Variants in PDE4D observed in about 807,000 individuals in gnomAD.
PDE4D encodes 3',5'-cyclic-AMP phosphodiesterase 4D.
A neutral mutation model predicts 87.4 loss-of-function variants in PDE4D; 24 were observed. The ratio of observed to expected loss-of-function variants is 0.27; its 90% CI spans 0.20 to 0.39. The LOEUF (loss-of-function observed/expected upper bound fraction) is 0.39. PDE4D is among the 10% of genes least tolerant of loss of function. The pLI, the probability that PDE4D is intolerant of heterozygous loss-of-function variation, is 1.00. For missense variants in PDE4D, 714 were observed against 1,041.0 expected (o/e 0.69, Z 4.32); for synonymous variants, 384 against 383.2 (o/e 1.00, Z -0.02).
chr5:60,080,844 T>C lies in PDE4D; in HGVS notation c.43-92127A>G, dbSNP rs568457549. Among the ~76,000 whole-genome samples the C allele has an allele frequency of 7.2e-5, 11 of 152,296 alleles. No homozygotes were observed. In the East Asian group the frequency reaches 1.2e-3, roughly 16 times the overall value. On this transcript the variant is annotated intron_variant, in intron 2 of 16. Transcript: ENST00000502484. ...GGGATATTGGCCTGAAGTTTTCCTT[T>C]TTTGTTGTGTCTCTTACCAGTTTTG...
At chr5:59,638,594 A>C (rs1369680422) in intron 1 of PDE4D, among the ~76,000 whole-genome samples, 1 of 152,184 alleles carries the variant, frequency 6.6e-6, no homozygotes, top group Admixed American at 6.5e-5. Flanking sequence ...TGAGGGCAGC[A>C]GGGCTTCCTC....
intron 5 of PDE4D, among the ~76,000 whole-genome samples, chr5:59,095,523 TAATTA>T (rs1769544688): frequency 6.6e-6 from 1 of 152,110 alleles, no homozygotes; most frequent in Non-Finnish European, 1.5e-5. Flanking sequence ...AGAAATAAAA[TAATTA>T]AATAGCTATG....
At chr5:59,570,240 T>C (rs1312139875) in intron 1 of PDE4D, among the ~76,000 whole-genome samples, 2 of 152,154 alleles carry the variant, frequency 1.3e-5, no homozygotes, top group Non-Finnish European at 2.9e-5. Context: ...GAACTGAACA[T>C]AATAGTGGGA....
At chr5:59,954,653 C>T (rs193236882) in intron 3 of PDE4D, among the ~76,000 whole-genome samples, 1 of 152,278 alleles carries the variant, frequency 6.6e-6, no homozygotes, top group Non-Finnish European at 1.5e-5. Flanking sequence ...TGGCACTGCC[C>T]TGAAGGTTTC....
intron 1 of PDE4D, among the ~76,000 whole-genome samples, chr5:59,591,910 TC>T (rs1208998678): frequency 3.9e-5 from 6 of 151,918 alleles, no homozygotes; most frequent in Non-Finnish European, 8.8e-5. Flanking sequence ...TGCCTCAAGC[TC>T]CCCCCATAAA....
At chr5:60,250,421 G>T (rs1335002531) in intron 1 of PDE4D, among the ~76,000 whole-genome samples, 3 of 151,830 alleles carry the variant, frequency 2.0e-5, no homozygotes, top group East Asian at 3.9e-4. Flanking sequence ...TGTAAAGATG[G>T]TTCTGCATCC....
At chr5:60,323,119 A>G (rs1217876888) in intron 1 of PDE4D, among the ~76,000 whole-genome samples, 1 of 152,102 alleles carries the variant, frequency 6.6e-6, no homozygotes, top group Non-Finnish European at 1.5e-5. Flanking sequence ...TCTTTTGTGT[A>G]TCTCTAGGCA....
chr5:59,453,997 T>C (rs752486968), intron 1 of PDE4D, among the ~76,000 whole-genome samples: 1 of 152,192 alleles, frequency 6.6e-6, no homozygotes, highest in Non-Finnish European at 1.5e-5. Context: ...TTGAAGCCAA[T>C]GTTCATTTAC....
intron 1 of PDE4D, among the ~76,000 whole-genome samples, chr5:60,244,969 C>T (rs1306500905): frequency 6.6e-6 from 1 of 151,948 alleles, no homozygotes; most frequent in Non-Finnish European, 1.5e-5. Context: ...TAAAAAGCTT[C>T]TGCACAGTAA....
chr5:59,938,466 C>T (rs1216590353), intron 3 of PDE4D, among the ~76,000 whole-genome samples: 3 of 152,172 alleles, frequency 2.0e-5, no homozygotes, highest in Admixed American at 1.3e-4. Flanking sequence ...GAAGAATATG[C>T]AATCCAGCCA....
chr5:59,917,662 G>C (rs1264135812), intron 3 of PDE4D, among the ~76,000 whole-genome samples: 1 of 152,000 alleles, frequency 6.6e-6, no homozygotes, highest in Non-Finnish European at 1.5e-5. Context: ...TATGTGACTT[G>C]GTTGCTCTTG....
At chr5:59,128,789 G>A (rs775973236) in intron 5 of PDE4D, among the ~76,000 whole-genome samples, 1 of 152,222 alleles carries the variant, frequency 6.6e-6, no homozygotes, top group Non-Finnish European at 1.5e-5. Context: ...CCAGAGAGAA[G>A]CTGTTTAACA....
chr5:59,968,775 G>C (rs949764662), intron 3 of PDE4D, among the ~76,000 whole-genome samples: 15 of 152,064 alleles, frequency 9.9e-5, no homozygotes, highest in Non-Finnish European at 1.6e-4. Flanking sequence ...ACTTCTCCAG[G>C]CTTCTGTTTT....
At chr5:60,180,899 A>G (rs1175694660) in intron 2 of PDE4D, among the ~76,000 whole-genome samples, 1 of 152,148 alleles carries the variant, frequency 6.6e-6, no homozygotes, top group East Asian at 1.9e-4. Context: ...CAGTTTATAC[A>G]TCCTTAACTT....
chr5:60,029,881 G>C (rs1228692599), intron 2 of PDE4D, among the ~76,000 whole-genome samples: 1 of 152,050 alleles, frequency 6.6e-6, no homozygotes, highest in African/African-American at 2.4e-5. Context: ...TTGATGGTAC[G>C]GGGGCCCCAG....
chr5:59,423,440 T>G (rs1425453058), intron 1 of PDE4D, among the ~76,000 whole-genome samples: 1 of 152,198 alleles, frequency 6.6e-6, no homozygotes, highest in East Asian at 1.9e-4. Flanking sequence ...TTCCAATTAA[T>G]GCAGCATTCC....
In PDE4D at chr5:59,053,645, G is replaced by GTTTTTTGTTTTTTTTT. The variant is rs1561396071; in HGVS notation, c.809-14675_809-14674insAAAAAAAAACAAAAAA. Among the ~76,000 whole-genome samples the GTTTTTTGTTTTTTTTT allele has an allele frequency of 2.2e-4, 15 of 68,792 alleles. 1 individual carries two copies. The East Asian group carries it at 3.1e-3, about 14-fold the overall frequency. 45.1% of individuals were successfully genotyped at this position (68,792 alleles called of 152,430 possible). On this transcript the variant is annotated intron_variant, in intron 5 of 14. Coordinates refer to ENST00000340635, the MANE Select transcript of PDE4D (RefSeq NM_001104631.2). ...TATGAATTAAGTTGTTTTGTTTTTT[G>GTTTTTTGTTTTTTTTT]TTTTTTTTTGTTGTTGTTTTTTTTT...
chr5:60,516,553 G>T (rs888801406), intron 1 of PDE4D, among the ~76,000 whole-genome samples: 1 of 152,210 alleles, frequency 6.6e-6, no homozygotes, highest in Non-Finnish European at 1.5e-5. Flanking sequence ...GTATTGAGAG[G>T]TGAGGAGAGC....
intron 1 of PDE4D, among the ~76,000 whole-genome samples, chr5:59,789,442 G>A (rs187885998): frequency 2.0e-3 from 303 of 152,328 alleles, no homozygotes; most frequent in Admixed American, 4.6e-3. Context: ...CCAGAGAAGT[G>A]ATGAGCCTGC....
Sources: allele counts gnomAD v4.1 joint callset (sites outside exome capture counted in the v4.1 genomes callset), GRCh38; gene constraint gnomAD v4.1.1; transcripts MANE v1.5; gene names NCBI Gene and HGNC (gene_info 2026-07-23, HGNC 2026-07-21).